The following VPS35L variants were observed in gnomAD, a reference collection of about 807,000 sequenced individuals.
VPS35L encodes the protein VPS35 endosomal protein-sorting factor-like.
Under a neutral mutation model 133.0 loss-of-function variants are expected in VPS35L, and 83 were observed. The observed-to-expected ratio is 0.62, with a 90% confidence interval of 0.52 to 0.75. VPS35L has a LOEUF of 0.75. Among genes scored for constraint, VPS35L ranks in the 30% least tolerant of loss-of-function variants. The probability of loss-of-function intolerance (pLI) is 0.00; values close to 1 mark genes in which losing one functional copy is unlikely to be tolerated. For synonymous variants in VPS35L, 423 were observed against 449.9 expected, an observed-to-expected ratio of 0.94 and a Z score of 0.76; for missense variants, 1,083 against 1,206.8, an observed-to-expected ratio of 0.90 and a Z score of 1.52.
chr16:19,577,177 T>A (rs1158036640), intron 5 of VPS35L, among the ~76,000 whole-genome samples: 1 of 152,182 alleles, frequency 6.6e-6, no homozygotes, highest in South Asian at 2.1e-4. Context: ...TGACTTATGG[T>A]TCCACAGGCT....
chr16:19,622,175 T>C (rs80032228), intron 14 of VPS35L, among the ~76,000 whole-genome samples: 6,388 of 137,038 alleles, frequency 0.047, 364 homozygotes, highest in East Asian at 0.15. Flanking sequence ...GACGGAGTCC[T>C]GCTCTGTCAC....
chr16:19,657,745 C>T (rs1052611952), intron 26 of VPS35L, among the ~76,000 whole-genome samples: 18 of 152,138 alleles, frequency 1.2e-4, no homozygotes, highest in Non-Finnish European at 1.5e-5. Context: ...AATTATTTTG[C>T]ATTTCCTCTT....
At chr16:19,597,011 T>G (rs1462309701) in intron 8 of VPS35L, among the ~76,000 whole-genome samples, 3 of 150,632 alleles carry the variant, frequency 2.0e-5, no homozygotes, top group Non-Finnish European at 4.4e-5. Flanking sequence ...AAAGTGAGAC[T>G]CTATCTCAGA....
chr16:19,557,614 C>T (rs1236493673), intron 1 of VPS35L, among the ~76,000 whole-genome samples: 1 of 151,972 alleles, frequency 6.6e-6, no homozygotes, highest in African/African-American at 2.4e-5. Flanking sequence ...AACTCCTGAC[C>T]TTAAGTGATC....
At chr16:19,627,565 A>AT (rs762502057) in intron 15 of VPS35L, 129 bp from the exon 16 acceptor site, 27 of 690,702 alleles carry the variant, frequency 3.9e-5, no homozygotes, top group Non-Finnish European at 6.6e-5. Flanking sequence ...TTTTACTCTG[A>AT]TTTTTTGTTT....
chr16:19,658,356 C>T (rs1486205745), intron 26 of VPS35L, among the ~76,000 whole-genome samples: 2 of 152,108 alleles, frequency 1.3e-5, no homozygotes, highest in African/African-American at 4.8e-5. Flanking sequence ...ATGATGAAAC[C>T]TCGTCTCTAC....
Position 19,639,933 on chromosome 16 carries a change from C to A in VPS35L, c.1699-82C>A. On this transcript the variant is annotated intron_variant, in intron 20 of 30. Transcript: ENST00000417362. This position sits in a 1 kb window ranked among gnomAD's most constrained non-coding sequence, Gnocchi z 4.1. ...TGAACCTCTGTTCTGCTTCTTTGAA[C>A]TCCACAGAAAAAGAGACCCACAGAT... 1 of 1,217,220 alleles carries A rather than the reference C, an allele frequency of 8.2e-7. No individual in the cohort carries two copies. Among genetic ancestry groups the A allele is most frequent in the Admixed American group, 2.0e-5 (1 of 50,060 alleles). 75.4% of individuals were successfully genotyped at this position (1,217,220 alleles called of 1,614,324 possible). A position where few individuals can be genotyped will look rare whatever the true frequency, so the allele number is the denominator to read the frequency against.
intron 29 of VPS35L, chr16:19,694,126 CGACA>C (rs1975816912): frequency 6.6e-6 from 1 of 151,738 alleles, no homozygotes; most frequent in African/African-American, 2.4e-5. Flanking sequence ...AATGCTTAGG[CGACA>C]GACACCCCAA....
At position 19,633,025 on chromosome 16, in the gene VPS35L, C is replaced by G. The variant is rs987811816; in HGVS notation, c.1555-67C>G. The G allele has an allele frequency of 1.8e-5, 23 of 1,250,838 alleles. No individual in the cohort carries two copies. Among genetic ancestry groups the G allele is most frequent in the Non-Finnish European group, 2.7e-5 (23 of 850,990 alleles). The allele number at this position is 1,250,838 out of a possible 1,614,324, so 77.5% of individuals were successfully genotyped here. On this transcript the variant is annotated intron_variant, in intron 18 of 30. Coordinates refer to ENST00000417362, the MANE Select transcript of VPS35L (RefSeq NM_020314.7). This position sits in a 1 kb window ranked among gnomAD's most constrained non-coding sequence, Gnocchi z 4.1. ...TATTCTGAATACGTTAGTCCTTTCC[C>G]CCAGGAACATGGTCAGCAGTTGCCA...
intron 22 of VPS35L, 72 bp from the exon 23 acceptor site, chr16:19,644,814 C>T: frequency 9.0e-7 from 1 of 1,113,942 alleles, no homozygotes; most frequent in Admixed American, 2.1e-5. Flanking sequence ...TTACTTACCC[C>T]TTGTGTATTT....
intron 21 of VPS35L, 36 bp from the exon 22 acceptor site, chr16:19,642,360 A>G (rs765081164): frequency 5.0e-6 from 8 of 1,585,044 alleles, no homozygotes; most frequent in Non-Finnish European, 6.1e-6. Context: ...CTGTCAGTGG[A>G]CAAAACTTTG....
At chr16:19,655,663 C>G (rs1225027381) in intron 26 of VPS35L, among the ~76,000 whole-genome samples, 1 of 152,160 alleles carries the variant, frequency 6.6e-6, no homozygotes, top group Admixed American at 6.5e-5. Flanking sequence ...TTGTACACAC[C>G]GGTGCTGTGC....
At chr16:19,561,466 G>C (rs1268085017) in intron 1 of VPS35L, among the ~76,000 whole-genome samples, 1 of 152,224 alleles carries the variant, frequency 6.6e-6, no homozygotes, top group Non-Finnish European at 1.5e-5. Context: ...ATTTAGAAAG[G>C]ATAGAAATGA....
At chr16:19,613,443 G>A (rs1266032856) in intron 12 of VPS35L, among the ~76,000 whole-genome samples, 1 of 152,242 alleles carries the variant, frequency 6.6e-6, no homozygotes, top group Non-Finnish European at 1.5e-5. Context: ...GTGCAGGCAT[G>A]GCTGGATGCA....
rs370429452 is a variant in VPS35L, at chr16:19,618,778, G to A, written c.1224+1970G>A. On this transcript the variant is annotated intron_variant, in intron 14 of 30. Transcript: ENST00000417362. ...GAATCAAAGAAGTCACTGTATCTAC[G>A]GTGCTTAGTGTAGCGCCCCACATCT... is the stretch of plus-strand genomic sequence containing the variant. 8.3e-4 allele frequency among the ~76,000 whole-genome samples: 126 copies of A among 152,160 alleles called. 1 individual carries two copies. In the South Asian group the frequency reaches 0.018, roughly 21 times the overall value.
At chr16:19,584,693 TG>T (rs1191046587) in intron 7 of VPS35L, among the ~76,000 whole-genome samples, 3 of 151,982 alleles carry the variant, frequency 2.0e-5, no homozygotes, top group Non-Finnish European at 4.4e-5. Flanking sequence ...TCTTTCTTTT[TG>T]TTTTTTTTTA....
At chr16:19,587,522 GATACTCAA>G in intron 7 of VPS35L, 1 of 253,944 alleles carries the variant, frequency 3.9e-6, no homozygotes, top group Non-Finnish European at 8.0e-6. Flanking sequence ...CCAGCTACTT[GATACTCAA>G]GGTTGAGGCA....
At chr16:19,558,369 C>T (rs1293188758) in intron 1 of VPS35L, among the ~76,000 whole-genome samples, 1 of 152,218 alleles carries the variant, frequency 6.6e-6, no homozygotes, top group Non-Finnish European at 1.5e-5. Flanking sequence ...CAAGGGATAG[C>T]TGAGGTTTGG....
At chr16:19,637,419 G>C (rs1973654391) in intron 19 of VPS35L, among the ~76,000 whole-genome samples, 175 bp from the exon 20 acceptor site, 1 of 151,946 alleles carries the variant, frequency 6.6e-6, no homozygotes, top group Admixed American at 6.6e-5. Flanking sequence ...CCTAAGCCCA[G>C]TTCACCATTT....
Sources: gnomAD v4.1 joint callset for allele counts (sites outside exome capture counted in the v4.1 genomes callset) on GRCh38, gnomAD v4.1.1 for gene constraint, Gnocchi (gnomAD v3.1) non-coding constraint, MANE v1.5 for transcripts, NCBI Gene and HGNC (gene_info 2026-07-23, HGNC 2026-07-21) for gene names.